POLD3: variants seen among roughly 807,000 people sequenced by gnomAD.
POLD3 encodes the protein DNA polymerase delta 3, accessory subunit.
In POLD3, 19 loss-of-function variants were observed where a neutral mutation model predicts 58.2. The ratio of observed to expected loss-of-function variants is 0.33; its 90% CI spans 0.23 to 0.48. POLD3 has a LOEUF of 0.48. POLD3 is among the 20% of genes least tolerant of loss of function. POLD3 has a pLI of 0.99. For missense variants in POLD3, 504 were observed against 545.5 expected (o/e 0.92, Z 0.76); for synonymous variants, 172 against 193.5 (o/e 0.89, Z 0.92).
At chr11:74,659,085 A>G (rs980438359) in intron 4 of POLD3, among the ~76,000 whole-genome samples, 10 of 152,160 alleles carry the variant, frequency 6.6e-5, no homozygotes, top group Admixed American at 5.9e-4. Flanking sequence ...AGGCATTTCC[A>G]TACATCTTCT....
intron 6 of POLD3, 75 bp downstream of exon 6, chr11:74,618,879 G>T: frequency 8.0e-7 from 1 of 1,244,226 alleles, no homozygotes; most frequent in Non-Finnish European, 1.1e-6. Flanking sequence ...GGTTGCAGTG[G>T]TAGTAGTTTA....
chr11:74,608,266 C>T (rs1405720840), intron 3 of POLD3, among the ~76,000 whole-genome samples: 2 of 152,172 alleles, frequency 1.3e-5, no homozygotes, highest in African/African-American at 2.4e-5. Context: ...CAGACATGCA[C>T]CACCATGCCC....
intron 5 of POLD3, among the ~76,000 whole-genome samples, chr11:74,618,281 A>G (rs768954054): frequency 1.3e-5 from 2 of 152,144 alleles, no homozygotes; most frequent in African/African-American, 4.8e-5. Context: ...TTCCAATCCT[A>G]TCTATTACTA....
At chr11:74,637,505 G>T (rs1286046872) in intron 11 of POLD3, among the ~76,000 whole-genome samples, 3 of 149,692 alleles carry the variant, frequency 2.0e-5, no homozygotes, top group African/African-American at 7.4e-5. Flanking sequence ...TTGGCCATGG[G>T]TGATAATATA....
intron 4 of POLD3, among the ~76,000 whole-genome samples, chr11:74,650,498 C>T (rs2033055271): frequency 6.6e-6 from 1 of 152,282 alleles, no homozygotes; most frequent in Non-Finnish European, 1.5e-5. Flanking sequence ...TCTATTTCCT[C>T]AAGTACAGAC....
downstream of POLD3, chr11:74,643,195 T>G (rs2032957913): frequency 6.6e-6 from 1 of 152,312 alleles, no homozygotes; most frequent in Admixed American, 6.5e-5. Context: ...TCCTGAAATG[T>G]TATCAGTTAT....
At chr11:74,655,334 T>C (rs1384749927) in intron 4 of POLD3, among the ~76,000 whole-genome samples, 1 of 152,258 alleles carries the variant, frequency 6.6e-6, no homozygotes, top group East Asian at 1.9e-4. Context: ...ACAGACTCTA[T>C]AGATTTAGTC....
At chr11:74,637,435 C>CTT (rs5792663) in intron 11 of POLD3, among the ~76,000 whole-genome samples, 6,882 of 115,140 alleles carry the variant, frequency 0.06, 330 homozygotes, top group Middle Eastern at 0.089. Flanking sequence ...CTTTTTCTTC[C>CTT]TTTTTTTTTT....
At chr11:74,616,725 T>G (rs2032091349) in intron 5 of POLD3, among the ~76,000 whole-genome samples, 1 of 152,206 alleles carries the variant, frequency 6.6e-6, no homozygotes, top group Non-Finnish European at 1.5e-5. Flanking sequence ...CTTTTGACTC[T>G]AGCTTTGGGG....
intron 4 of POLD3, among the ~76,000 whole-genome samples, chr11:74,649,193 A>T (rs1312057318): frequency 6.6e-6 from 1 of 152,234 alleles, no homozygotes; most frequent in African/African-American, 2.4e-5. Flanking sequence ...AATGACCCAT[A>T]GTCCTAGACT....
chr11:74,596,972 T>C (rs1441271542), intron 2 of POLD3, among the ~76,000 whole-genome samples: 3 of 152,270 alleles, frequency 2.0e-5, no homozygotes, highest in Non-Finnish European at 4.4e-5. Context: ...TATTCCATTG[T>C]GTATATACAC....
chr11:74,642,618 G>C lies in POLD3; in HGVS notation c.*1852G>C. On this transcript the variant is annotated 3_prime_UTR_variant, in exon 12 of 12. Coordinates refer to ENST00000263681, the MANE Select transcript of POLD3 (RefSeq NM_006591.3). ...ATGCCCAATATGCTGCCTCAACTCT[G>C]AGCTGTCTGCAAGGCTTAGTAAGTA... 2 of 984,776 alleles carry C rather than the reference G, an allele frequency of 2.0e-6. No individual in the cohort carries two copies. Among genetic ancestry groups the C allele is most frequent in the Non-Finnish European group, 2.4e-6 (2 of 829,562 alleles). The allele number at this position is 984,776 out of a possible 1,614,324, so 61.0% of individuals were successfully genotyped here.
At chr11:74,653,668 A>G (rs1192321050) in intron 4 of POLD3, among the ~76,000 whole-genome samples, 1 of 152,230 alleles carries the variant, frequency 6.6e-6, no homozygotes, top group African/African-American at 2.4e-5. Context: ...ATAGAAAGCA[A>G]TAAAAAGACA....
At chr11:74,664,449 A>G (rs2033242266) in intron 4 of POLD3, among the ~76,000 whole-genome samples, 1 of 152,228 alleles carries the variant, frequency 6.6e-6, no homozygotes, top group African/African-American at 2.4e-5. Flanking sequence ...AAAAGTATAA[A>G]TTCTACCAAA....
chr11:74,605,593 C>T (rs971214103), intron 3 of POLD3, among the ~76,000 whole-genome samples: 2 of 152,154 alleles, frequency 1.3e-5, no homozygotes, highest in Non-Finnish European at 2.9e-5. Flanking sequence ...CCTCAAACTT[C>T]CTATCTGAAG....
chr11:74,668,708 G>T, intron 4 of POLD3: 2 of 1,121,112 alleles, frequency 1.8e-6, no homozygotes, highest in Non-Finnish European at 2.4e-6. Context: ...GGAGAATGGG[G>T]TTAGGGGGTA....
chr11:74,592,718 CGT>C lies in POLD3; in HGVS notation c.60+2_60+3del, dbSNP rs1209075780. ...AGTTCGTCACGGACCAAAACAAGAT[CGT>C]GAGCAGCTACTACTGGGGAACGCGG... On this transcript the variant is annotated splice_donor_variant, in intron 1 of 11. Transcript: ENST00000263681. LOFTEE classifies it high-confidence loss of function. 1 of 1,614,036 alleles carries C rather than the reference CGT, an allele frequency of 6.2e-7. No homozygotes were observed. Among genetic ancestry groups the C allele is most frequent in the Non-Finnish European group, 8.5e-7 (1 of 1,179,936 alleles).
intron 3 of POLD3, among the ~76,000 whole-genome samples, chr11:74,609,367 TA>T (rs2031817382): frequency 1.2e-3 from 21 of 17,692 alleles, no homozygotes; most frequent in African/African-American, 8.1e-3. Flanking sequence ...TATATATATA[TA>T]TATATTTTTT....
intron 4 of POLD3, among the ~76,000 whole-genome samples, chr11:74,656,744 GT>G (rs60280704): frequency 2.1e-4 from 31 of 147,408 alleles, no homozygotes; most frequent in East Asian, 8.0e-4. Context: ...ATATTTCAGG[GT>G]TTTTTTTTTT....
Sources: gnomAD v4.1 joint callset for allele counts (sites outside exome capture counted in the v4.1 genomes callset) on GRCh38, gnomAD v4.1.1 for gene constraint, MANE v1.5 for transcripts, NCBI Gene and HGNC (gene_info 2026-07-23, HGNC 2026-07-21) for gene names.